Variants in SHANK2 observed in about 807,000 individuals in gnomAD.
The protein encoded by SHANK2 is SH3 and multiple ankyrin repeat domains 2, also known as SH3 and multiple ankyrin repeat domains protein 2.
A neutral mutation model predicts 133.7 loss-of-function variants in SHANK2; 43 were observed. The observed-to-expected ratio is 0.32, with a 90% confidence interval of 0.25 to 0.41. SHANK2 has a LOEUF of 0.41. Ranked by LOEUF, SHANK2 falls within the 10% of genes least tolerant of loss-of-function variation. The pLI, the probability that SHANK2 is intolerant of heterozygous loss-of-function variation, is 1.00. For synonymous variants in SHANK2, 1,017 were observed against 952.8 expected (o/e 1.07, Z -1.24); for missense variants, 1,994 against 2,235.8 (o/e 0.89, Z 2.18).
chr11:71,181,722 G>C (rs1196308391), intron 2 of SHANK2, among the ~76,000 whole-genome samples: 2 of 152,194 alleles, frequency 1.3e-5, no homozygotes, highest in East Asian at 3.9e-4. Flanking sequence ...AACGGAACCA[G>C]GACAACAAAG....
chr11:70,796,407 G>C (rs1310279531), intron 14 of SHANK2, among the ~76,000 whole-genome samples: 1 of 152,224 alleles, frequency 6.6e-6, no homozygotes, highest in Admixed American at 6.5e-5. Context: ...GCCCGGTGCT[G>C]GCACAGTTGA....
At chr11:71,202,534 A>G (rs1555117302) in intron 2 of SHANK2, among the ~76,000 whole-genome samples, 1 of 152,086 alleles carries the variant, frequency 6.6e-6, no homozygotes, top group Non-Finnish European at 1.5e-5. Context: ...TCATACCCAC[A>G]TCTCAGGCTA....
At chr11:70,627,191 C>T (rs2060916751) in intron 17 of SHANK2, among the ~76,000 whole-genome samples, 2 of 152,220 alleles carry the variant, frequency 1.3e-5, no homozygotes, top group Non-Finnish European at 2.9e-5. Flanking sequence ...CCTTCTTGGG[C>T]ACACACAGGG....
At chr11:70,867,436 C>G (rs1459564418) in intron 11 of SHANK2, among the ~76,000 whole-genome samples, 2 of 152,224 alleles carry the variant, frequency 1.3e-5, no homozygotes, top group Non-Finnish European at 2.9e-5. Flanking sequence ...CCGCTGTTAA[C>G]AGCAAACAGC....
At chr11:71,114,609 A>G (rs1951945602) in intron 4 of SHANK2, among the ~76,000 whole-genome samples, 2 of 152,088 alleles carry the variant, frequency 1.3e-5, no homozygotes, top group Non-Finnish European at 2.9e-5. Flanking sequence ...GTTTGGGGAG[A>G]AAGTGCGCTG....
At chr11:70,903,015 C>T (rs1555077115) in intron 10 of SHANK2, among the ~76,000 whole-genome samples, 1 of 152,164 alleles carries the variant, frequency 6.6e-6, no homozygotes, top group Non-Finnish European at 1.5e-5. Flanking sequence ...GGGGAGTTTC[C>T]ATCTATTCTC....
chr11:70,719,343 G>A (rs554216662), intron 14 of SHANK2, among the ~76,000 whole-genome samples: 21 of 152,330 alleles, frequency 1.4e-4, no homozygotes, highest in African/African-American at 4.8e-4. Flanking sequence ...AGAACCCAGC[G>A]CTGTGCCCAC....
intron 1 of SHANK2, among the ~76,000 whole-genome samples, chr11:71,236,241 T>C (rs1268881928): frequency 6.6e-6 from 1 of 152,154 alleles, no homozygotes; most frequent in African/African-American, 2.4e-5. Flanking sequence ...GCAAAATTAT[T>C]CAGGAACAAA....
intron 10 of SHANK2, among the ~76,000 whole-genome samples, chr11:70,908,920 A>G (rs1950150183): frequency 6.6e-6 from 1 of 152,192 alleles, no homozygotes; most frequent in African/African-American, 2.4e-5. Context: ...TCCTTGGAGG[A>G]GGCCACATCC....
rs1043273832 is a variant in SHANK2 at position 71,057,207 on chromosome 11, G to A, written c.1030-649C>T. Among the ~76,000 whole-genome samples the A allele has an allele frequency of 3.3e-5, 5 of 152,188 alleles. No individual in the cohort carries two copies. The East Asian group carries it at 5.8e-4, about 18-fold the overall frequency. ...AAATTAGCCGGGCATGGAGGCATGC[G>A]CCTGTAATCCCAGCTACTCAGGAGG... On this transcript the variant is annotated intron_variant, in intron 9 of 25. Coordinates refer to ENST00000601538, the MANE Select transcript of SHANK2 (RefSeq NM_012309.5).
chr11:70,663,531 T>A (rs1250804253), intron 15 of SHANK2, among the ~76,000 whole-genome samples: 2 of 152,032 alleles, frequency 1.3e-5, no homozygotes, highest in African/African-American at 4.8e-5. Context: ...GGGTCGTGCA[T>A]GGAGGCATGC....
rs1354992381 is a variant in SHANK2, at chr11:70,500,656, G to A, written c.2288-66C>T. 5.7e-6 allele frequency: 9 copies of A among 1,567,750 alleles called. No homozygotes were observed. In the African/African-American group the frequency reaches 6.8e-5, roughly 12 times the overall value. ...CAGCGCCCGCCCGCAGCCTACACTC[G>A]GGCCTTGTCAGCTCAGGGCGCCTCA... On this transcript the variant is annotated intron_variant, in intron 20 of 25. Transcript: ENST00000601538. The surrounding 1 kb of genome is among the most constrained non-coding windows in gnomAD (Gnocchi z 4.5).
At chr11:70,832,308 C>G (rs1454998858) in intron 11 of SHANK2, among the ~76,000 whole-genome samples, 3 of 145,430 alleles carry the variant, frequency 2.1e-5, no homozygotes, top group African/African-American at 7.3e-5. Context: ...TGCCCTATCT[C>G]TATAATAAAC....
At chr11:71,057,632 C>G (rs1468369442) in intron 9 of SHANK2, among the ~76,000 whole-genome samples, 2 of 152,084 alleles carry the variant, frequency 1.3e-5, no homozygotes, top group Non-Finnish European at 2.9e-5. Context: ...TCGCTGCAAC[C>G]TTCATCTCTT....
chr11:71,079,634 C>T (rs1053980518), intron 8 of SHANK2, among the ~76,000 whole-genome samples: 21 of 149,978 alleles, frequency 1.4e-4, no homozygotes, highest in African/African-American at 5.1e-4. Context: ...GTGGCGGGTG[C>T]CTGTAGTCCC....
chr11:70,676,351 T>C (rs1403298977), intron 15 of SHANK2, among the ~76,000 whole-genome samples: 7 of 152,236 alleles, frequency 4.6e-5, no homozygotes, highest in African/African-American at 1.7e-4. Context: ...CGAGGTCTGC[T>C]GGGACCTCTG....
intron 14 of SHANK2, among the ~76,000 whole-genome samples, chr11:70,760,794 G>A (rs1555040024): frequency 1.3e-5 from 2 of 152,242 alleles, no homozygotes; most frequent in Non-Finnish European, 2.9e-5. Context: ...GGTACCCCAG[G>A]AGCAAATGAA....
intron 2 of SHANK2, among the ~76,000 whole-genome samples, chr11:71,167,062 C>G (rs1267038173): frequency 2.2e-4 from 34 of 151,384 alleles, no homozygotes; most frequent in African/African-American, 8.2e-4. Context: ...CCATTTAACC[C>G]TGAGTGGACA....
At chr11:70,595,971 G>A (rs1429740983) in intron 17 of SHANK2, among the ~76,000 whole-genome samples, 3 of 152,220 alleles carry the variant, frequency 2.0e-5, no homozygotes, top group African/African-American at 4.8e-5. Context: ...GGAGAACATC[G>A]TGAGGATGAA....
Sources: allele counts gnomAD v4.1 joint callset (sites outside exome capture counted in the v4.1 genomes callset), GRCh38; gene constraint gnomAD v4.1.1; non-coding constraint Gnocchi (gnomAD v3.1); transcripts MANE v1.5; gene names NCBI Gene and HGNC (gene_info 2026-07-23, HGNC 2026-07-21).